Variants in ATF7IP2 observed in about 807,000 individuals in gnomAD.
ATF7IP2 encodes the protein activating transcription factor 7-interacting protein 2.
Under a neutral mutation model 64.2 loss-of-function variants are expected in ATF7IP2, and 42 were observed. That is an observed-to-expected ratio of 0.65 (90% CI 0.51 to 0.85). ATF7IP2 has a LOEUF of 0.85. Among genes scored for constraint, ATF7IP2 ranks in the 40% least tolerant of loss-of-function variants. ATF7IP2 has a pLI of 0.00. For synonymous variants in ATF7IP2, 308 were observed against 272.8 expected (o/e 1.13, Z -1.27); for missense variants, 933 against 784.2 (o/e 1.19, Z -2.27).
chr16:10,415,856 C>G (rs553551518), intron 2 of ATF7IP2, among the ~76,000 whole-genome samples: 13 of 152,258 alleles, frequency 8.5e-5, no homozygotes, highest in Admixed American at 7.2e-4. Context: ...GAATAGCTAC[C>G]TAATGTCATT....
intron 1 of ATF7IP2, among the ~76,000 whole-genome samples, chr16:10,393,017 T>A (rs79786560): frequency 6.6e-6 from 1 of 151,530 alleles, no homozygotes; most frequent in African/African-American, 2.4e-5. Context: ...GTTTTAAAAA[T>A]GAAACCATTA....
chr16:10,473,558 A>G, intron 11 of ATF7IP2, 24 bp downstream of exon 11: 1 of 1,456,920 alleles, frequency 6.9e-7, no homozygotes, highest in South Asian at 1.2e-5. Flanking sequence ...ATTGACTCTG[A>G]ATATTGTTTA....
chr16:10,417,088 CA>C (rs2047893807), intron 2 of ATF7IP2, among the ~76,000 whole-genome samples: 1 of 151,998 alleles, frequency 6.6e-6, no homozygotes. Context: ...TCATATAAAA[CA>C]ATCACATAAA....
At chr16:10,432,802 T>TG (rs1394929961) in intron 5 of ATF7IP2, among the ~76,000 whole-genome samples, 1 of 152,146 alleles carries the variant, frequency 6.6e-6, no homozygotes, top group African/African-American at 2.4e-5. Flanking sequence ...TGCTTGAACC[T>TG]GGGGGGCGGA....
chr16:10,449,538 G>A (rs914118996), intron 8 of ATF7IP2: 1 of 152,156 alleles, frequency 6.6e-6, no homozygotes, highest in African/African-American at 2.4e-5. Flanking sequence ...ACTTGGGAGG[G>A]TGTATGTGTC....
At chr16:10,465,114 G>C (rs964992543) in intron 9 of ATF7IP2, among the ~76,000 whole-genome samples, 2 of 152,166 alleles carry the variant, frequency 1.3e-5, no homozygotes, top group African/African-American at 2.4e-5. Context: ...ACAGGCGTGA[G>C]CCACCACGCC....
At chr16:10,389,545 C>T (rs980823469) in intron 1 of ATF7IP2, among the ~76,000 whole-genome samples, 4 of 152,016 alleles carry the variant, frequency 2.6e-5, no homozygotes, top group African/African-American at 4.8e-5. Context: ...TTCCAACCCA[C>T]CTCCAAAAAA....
At chr16:10,434,409 G>A (rs138983650) in intron 6 of ATF7IP2, among the ~76,000 whole-genome samples, 188 of 152,196 alleles carry the variant, frequency 1.2e-3, no homozygotes, top group Non-Finnish European at 1.9e-3. Context: ...GTAATGGACC[G>A]AAATTTCCCC....
intron 9 of ATF7IP2, among the ~76,000 whole-genome samples, chr16:10,470,738 G>T (rs1025514106): frequency 6.6e-6 from 1 of 151,700 alleles, no homozygotes; most frequent in Non-Finnish European, 1.5e-5. Context: ...AGATACATTT[G>T]CACCACTACA....
At chr16:10,416,610 T>A (rs1596466599) in intron 2 of ATF7IP2, among the ~76,000 whole-genome samples, 1 of 152,230 alleles carries the variant, frequency 6.6e-6, no homozygotes, top group South Asian at 2.1e-4. Flanking sequence ...CTGGCCAACA[T>A]GGCGAAACTG....
Position 10,457,355 on chromosome 16 carries a change from T to C in ATF7IP2, c.1195-17T>C. 6.3e-7 allele frequency: 1 copy of C among 1,584,332 alleles called. No homozygotes were observed. Among genetic ancestry groups the C allele is most frequent in the Non-Finnish European group, 8.5e-7 (1 of 1,170,826 alleles). The stretch of plus-strand genomic sequence containing the variant: ...GTAAAATTCCCTTCAACTGCTTTTT[T>C]CTCACCTATTTAATAGGTTGCAAAT... On this transcript the variant is annotated splice_polypyrimidine_tract_variant and intron_variant, in intron 8 of 13. Transcript: ENST00000562102.
chr16:10,417,199 G>A (rs940951790), intron 2 of ATF7IP2, among the ~76,000 whole-genome samples: 5 of 152,114 alleles, frequency 3.3e-5, no homozygotes, highest in Admixed American at 2.6e-4. Context: ...GGTAATAATC[G>A]ATAATGTGAC....
At chr16:10,433,802 G>A (rs2048332664) in intron 6 of ATF7IP2, among the ~76,000 whole-genome samples, 153 bp downstream of exon 6, 1 of 152,214 alleles carries the variant, frequency 6.6e-6, no homozygotes, top group African/African-American at 2.4e-5. Flanking sequence ...AGACTGGGGA[G>A]AGATAACTAC....
At chr16:10,458,054 A>G (rs764929675) in intron 9 of ATF7IP2, among the ~76,000 whole-genome samples, 34 of 152,214 alleles carry the variant, frequency 2.2e-4, no homozygotes, top group Non-Finnish European at 4.0e-4. Flanking sequence ...ACAATCAAAA[A>G]TAAGTAGATT....
At chr16:10,401,009 T>G (rs2047521799) in intron 1 of ATF7IP2, among the ~76,000 whole-genome samples, 1 of 152,156 alleles carries the variant, frequency 6.6e-6, no homozygotes, top group Admixed American at 6.5e-5. Flanking sequence ...TAATGCTAAA[T>G]TTACCATAAT....
chr16:10,431,488 TTAAAA>T, intron 5 of ATF7IP2, 33 bp downstream of exon 5: 1 of 1,393,578 alleles, frequency 7.2e-7, no homozygotes, highest in South Asian at 1.4e-5. Context: ...TTTAGAAAAA[TTAAAA>T]TAGTCACTTT....
intron 3 of ATF7IP2, among the ~76,000 whole-genome samples, chr16:10,423,786 A>T (rs892874058): frequency 2.0e-5 from 3 of 152,158 alleles, no homozygotes; most frequent in African/African-American, 4.8e-5. Context: ...AAAGGTTCCA[A>T]GGTGGAACGA....
At chr16:10,438,370 G>C (rs944986545) in intron 7 of ATF7IP2, 135 bp downstream of exon 7, 1 of 828,932 alleles carries the variant, frequency 1.2e-6, no homozygotes, top group African/African-American at 1.8e-5. Flanking sequence ...TCAGTCTCCA[G>C]AGTAGCTGAG....
At chr16:10,451,904 G>A (rs1016972699) in intron 8 of ATF7IP2, among the ~76,000 whole-genome samples, 2 of 151,904 alleles carry the variant, frequency 1.3e-5, no homozygotes, top group Non-Finnish European at 2.9e-5. Flanking sequence ...ATACAAAAAA[G>A]TAGCTGGGCG....
Sources: gnomAD v4.1 joint callset for allele counts (sites outside exome capture counted in the v4.1 genomes callset) on GRCh38, gnomAD v4.1.1 for gene constraint, MANE v1.5 for transcripts, NCBI Gene and HGNC (gene_info 2026-07-23, HGNC 2026-07-21) for gene names.